ACTR3C: variants seen among roughly 807,000 people sequenced by gnomAD.
The protein encoded by ACTR3C is actin-related protein 3C.
A neutral mutation model predicts 26.3 loss-of-function variants in ACTR3C; 18 were observed. The ratio of observed to expected loss-of-function variants is 0.68; its 90% CI spans 0.47 to 1.01. The LOEUF (loss-of-function observed/expected upper bound fraction) is 1.01. Among genes scored for constraint, ACTR3C ranks in the 50% least tolerant of loss-of-function variants. The probability of loss-of-function intolerance (pLI) is 0.00; values close to 1 mark genes in which losing one functional copy is unlikely to be tolerated. For synonymous variants in ACTR3C, 55 were observed against 94.5 expected, an observed-to-expected ratio of 0.58 and a Z score of 2.42; for missense variants, 184 against 250.7, an observed-to-expected ratio of 0.73 and a Z score of 1.80.
At chr7:150,009,585 C>T in the ACTR3C span, among the ~76,000 whole-genome samples, 1 of 152,326 alleles carries the variant, frequency 6.6e-6, no homozygotes, top group South Asian at 2.1e-4. Context: ...TACTTGACCA[C>T]TGGGCTCTAA....
At chr7:150,176,289 TG>T in the ACTR3C span, among the ~76,000 whole-genome samples, 1 of 150,758 alleles carries the variant, frequency 6.6e-6, no homozygotes, top group East Asian at 1.9e-4. Context: ...TTTATTTCCT[TG>T]GGTCTTCCAA....
At chr7:150,062,501 A>G in the ACTR3C span, among the ~76,000 whole-genome samples, 1 of 150,564 alleles carries the variant, frequency 6.6e-6, no homozygotes, top group Admixed American at 6.6e-5. Context: ...AACACTCGAG[A>G]TGGGCAACAA....
chr7:150,105,925 CAA>C, the ACTR3C span, among the ~76,000 whole-genome samples: 1 of 151,988 alleles, frequency 6.6e-6, no homozygotes, highest in South Asian at 2.1e-4. Flanking sequence ...TACCTTAAGT[CAA>C]TATTAATTTT....
chr7:150,039,190 G>T, the ACTR3C span, among the ~76,000 whole-genome samples: 5 of 147,754 alleles, frequency 3.4e-5, no homozygotes, highest in East Asian at 8.4e-4. Context: ...CCGCCTCGCG[G>T]GGGGTGCCTC....
chr7:150,175,607 A>C, the ACTR3C span, among the ~76,000 whole-genome samples: 45 of 149,680 alleles, frequency 3.0e-4, 5 homozygotes, highest in African/African-American at 1.2e-3. Flanking sequence ...TGAGGTCAGG[A>C]GTTTGAGACC....
the ACTR3C span, among the ~76,000 whole-genome samples, chr7:149,951,602 T>G: frequency 2.0e-5 from 3 of 152,006 alleles, no homozygotes; most frequent in Non-Finnish European, 4.4e-5. Flanking sequence ...CAAGGAGGTC[T>G]GCTTTCCTAG....
At chr7:150,154,306 A>G in the ACTR3C span, among the ~76,000 whole-genome samples, 2 of 152,296 alleles carry the variant, frequency 1.3e-5, no homozygotes, top group African/African-American at 4.8e-5. Context: ...CTTCATTACC[A>G]TTAAAATTTA....
chr7:150,186,191 A>T, the ACTR3C span, among the ~76,000 whole-genome samples: 15,732 of 152,102 alleles, frequency 0.1, 1,330 homozygotes, highest in African/African-American at 0.21. Context: ...TCTCTCTTCT[A>T]AAACAATTTA....
At chr7:150,071,019 C>T in the ACTR3C span, among the ~76,000 whole-genome samples, 10 of 149,356 alleles carry the variant, frequency 6.7e-5, no homozygotes, top group South Asian at 6.3e-4. Context: ...TGGTCTCGAT[C>T]TCCTGACCTC....
chr7:149,969,175 G>A, the ACTR3C span, among the ~76,000 whole-genome samples: 2 of 152,190 alleles, frequency 1.3e-5, no homozygotes, highest in Non-Finnish European at 2.9e-5. Flanking sequence ...AGGGAACGCT[G>A]TCTTCGTTCT....
At chr7:149,895,405 C>CA in the ACTR3C span, among the ~76,000 whole-genome samples, 3 of 152,238 alleles carry the variant, frequency 2.0e-5, no homozygotes, top group South Asian at 6.2e-4. Context: ...GCTCTCACCA[C>CA]AAAAATGATG....
the ACTR3C span, among the ~76,000 whole-genome samples, chr7:150,039,179 C>T: frequency 6.8e-6 from 1 of 147,728 alleles, no homozygotes; most frequent in Non-Finnish European, 1.5e-5. Flanking sequence ...GCTCTCAGTC[C>T]CCGCCTCGCG....
chr7:149,950,374 C>A, the ACTR3C span, among the ~76,000 whole-genome samples: 1 of 146,400 alleles, frequency 6.8e-6, no homozygotes, highest in Admixed American at 6.6e-5. Flanking sequence ...AAAGAATCAG[C>A]GAGGGTTGGT....
the ACTR3C span, among the ~76,000 whole-genome samples, chr7:150,139,552 C>A: frequency 2.0e-5 from 3 of 152,384 alleles, no homozygotes; most frequent in East Asian, 5.8e-4. Context: ...GGCTGGGCAT[C>A]GGCTCCTCTC....
At chr7:149,967,159 C>T in the ACTR3C span, among the ~76,000 whole-genome samples, 11 of 151,652 alleles carry the variant, frequency 7.3e-5, no homozygotes, top group Non-Finnish European at 1.0e-4. Context: ...CTCAGCCTCC[C>T]TAGTAGCTGG....
At chr7:150,035,964 G>T in the ACTR3C span, among the ~76,000 whole-genome samples, 2 of 128,934 alleles carry the variant, frequency 1.6e-5, 1 homozygote, top group African/African-American at 6.5e-5. Flanking sequence ...AGGGCGGGAA[G>T]AGGGACTGGC....
the ACTR3C span, among the ~76,000 whole-genome samples, chr7:150,088,167 A>G: frequency 2.8e-4 from 42 of 152,318 alleles, no homozygotes; most frequent in African/African-American, 9.9e-4. Flanking sequence ...TTGATGCACA[A>G]AAGTTTTTAA....
chr7:150,007,614 C>A, the ACTR3C span, among the ~76,000 whole-genome samples: 1 of 152,150 alleles, frequency 6.6e-6, no homozygotes, highest in African/African-American at 2.4e-5. Context: ...CATTTCACGT[C>A]GATTTCATGA....
the ACTR3C span, among the ~76,000 whole-genome samples, chr7:150,028,510 C>T: frequency 6.6e-6 from 1 of 152,306 alleles, no homozygotes; most frequent in African/African-American, 2.4e-5. Context: ...AAATTTCCAA[C>T]AGTCAACATC....
Sources: gnomAD v4.1 joint callset for allele counts (sites outside exome capture counted in the v4.1 genomes callset) on GRCh38, gnomAD v4.1.1 for gene constraint, MANE v1.5 for transcripts, NCBI Gene and HGNC (gene_info 2026-07-23, HGNC 2026-07-21) for gene names.